The following ANO5 variants were observed in gnomAD, a reference collection of about 807,000 sequenced individuals.
The protein encoded by ANO5 is anoctamin 5.
In ANO5, 109 loss-of-function variants were observed where a neutral mutation model predicts 121.0. The observed-to-expected ratio is 0.90, with a 90% CI of 0.77 to 1.06. The LOEUF (loss-of-function observed/expected upper bound fraction) is 1.06, where lower values mean the gene tolerates loss of function less well. Among genes scored for constraint, ANO5 ranks in the 50% least tolerant of loss-of-function variants. The pLI is 0.00. For missense variants in ANO5, 1,064 were observed against 1,078.5 expected (o/e 0.99, Z 0.19); for synonymous variants, 406 against 359.9 (o/e 1.13, Z -1.45).
intron 5 of ANO5, among the ~76,000 whole-genome samples, chr11:22,224,703 A>C (rs1852766867): frequency 6.6e-6 from 1 of 152,112 alleles, no homozygotes; most frequent in Admixed American, 6.6e-5. Context: ...TTAAAGGAAA[A>C]ATAGACCACT....
chr11:22,221,596 T>C (rs1045952187), intron 5 of ANO5, among the ~76,000 whole-genome samples: 4 of 151,988 alleles, frequency 2.6e-5, no homozygotes, highest in African/African-American at 9.7e-5. Flanking sequence ...TATTGTACTC[T>C]ATTCCTGATT....
Position 22,222,483 on chromosome 11 carries a change from A to G in ANO5, c.294+1273A>G, listed in dbSNP as rs7952092. Reference sequence around the variant, plus strand: ...GCAACTCTTTATAATTTCGTTTTACATGTACAACTGTCTGATTATACCTCA... The same window carrying G: ...GCAACTCTTTATAATTTCGTTTTACGTGTACAACTGTCTGATTATACCTCA... On this transcript the variant is annotated intron_variant, in intron 5 of 21. Coordinates refer to ENST00000324559, the MANE Select transcript of ANO5 (RefSeq NM_213599.3). 3.3e-5 allele frequency among the ~76,000 whole-genome samples: 5 copies of G among 151,812 alleles called. No homozygotes were observed. The South Asian group carries it at 6.2e-4, about 19-fold the overall frequency.
At chr11:22,230,684 T>A (rs1451827046) in intron 7 of ANO5, among the ~76,000 whole-genome samples, 1 of 151,946 alleles carries the variant, frequency 6.6e-6, no homozygotes, top group Non-Finnish European at 1.5e-5. Context: ...TGACTATCAG[T>A]ACCAAAAAGC....
chr11:22,218,256 G>A lies in ANO5; in HGVS notation c.149G>A (p.Arg50Gln), dbSNP rs370084681. ...TTGGTTGCTTCACAGCCTGCAAAGC[G>A]ATTCAATTTGTTCCTGAGGCGGCGG... ...LINEETMPAK[R>Q]FNLFLRRRLM... Residue 50 changes from arginine to glutamine, a missense_variant, in exon 4 of 22, where the codon CGA becomes CAA. Transcript: ENST00000324559. The A allele has an allele frequency of 3.7e-5, 59 of 1,613,338 alleles. No individual in the cohort carries two copies. In the African/African-American group the frequency reaches 5.6e-4, roughly 15 times the overall value.
chr11:22,239,799 G>A (rs1853365269), intron 9 of ANO5, 115 bp downstream of exon 9: 1 of 779,274 alleles, frequency 1.3e-6, no homozygotes, highest in East Asian at 2.8e-5. Context: ...ACAACTTCTT[G>A]ATTTCATATC....
chr11:22,279,003 G>C (rs929883836), intron 21 of ANO5, among the ~76,000 whole-genome samples: 1 of 151,694 alleles, frequency 6.6e-6, no homozygotes, highest in Non-Finnish European at 1.5e-5. Flanking sequence ...GTATAGCATG[G>C]AGTGAAAGAA....
At chr11:22,259,861 C>T in intron 15 of ANO5, 120 bp downstream of exon 15, 1 of 1,015,746 alleles carries the variant, frequency 9.8e-7, no homozygotes, top group Non-Finnish European at 1.5e-6. Flanking sequence ...GGCAGTTTTT[C>T]TCTATAAATA....
At chr11:22,229,836 T>C (rs1852980083) in intron 7 of ANO5, among the ~76,000 whole-genome samples, 1 of 152,004 alleles carries the variant, frequency 6.6e-6, no homozygotes, top group Non-Finnish European at 1.5e-5. Flanking sequence ...TCTTGCTTTA[T>C]TGAGGAAGAT....
At position 22,193,137 on chromosome 11, in the gene ANO5, C is replaced by G. The variant is rs1851698381; in HGVS notation, c.-356C>G. 9.0e-7 allele frequency: 1 copy of G among 1,107,608 alleles called. No individual in the cohort carries two copies. Among genetic ancestry groups the G allele is most frequent in the Non-Finnish European group, 1.1e-6 (1 of 902,454 alleles). The allele number at this position is 1,107,608 out of a possible 1,614,324, so 68.6% of individuals were successfully genotyped here. A position where few individuals can be genotyped will look rare whatever the true frequency, so the allele number is the denominator to read the frequency against. The stretch of plus-strand genomic sequence containing the variant: ...GAGTGGCGGCTGCGGGATCAGCTGC[C>G]GAGCAGGCACAGGGACAGGTGCCTG... On this transcript the variant is annotated 5_prime_UTR_variant, in exon 1 of 22. Coordinates refer to ENST00000324559, the MANE Select transcript of ANO5 (RefSeq NM_213599.3).
intron 9 of ANO5, among the ~76,000 whole-genome samples, chr11:22,247,638 A>C (rs1176364761): frequency 6.6e-6 from 1 of 152,184 alleles, no homozygotes; most frequent in Non-Finnish European, 1.5e-5. Context: ...TAGGAATCTG[A>C]GTTCCTAGAT....
chr11:22,232,287 A>T (rs1853068321), intron 7 of ANO5, among the ~76,000 whole-genome samples: 1 of 151,702 alleles, frequency 6.6e-6, no homozygotes, highest in South Asian at 2.1e-4. Flanking sequence ...AATGAGATTG[A>T]TCTCCTTGTA....
chr11:22,246,295 G>C (rs1198970963), intron 9 of ANO5, among the ~76,000 whole-genome samples: 1 of 152,036 alleles, frequency 6.6e-6, no homozygotes, highest in African/African-American at 2.4e-5. Flanking sequence ...GGTTATTTTA[G>C]CTGTGTTTCT....
chr11:22,262,041 G>A, intron 15 of ANO5, 88 bp from the exon 16 acceptor site: 1 of 1,281,680 alleles, frequency 7.8e-7, no homozygotes, highest in Non-Finnish European at 1.1e-6. Flanking sequence ...CCAGAATGAT[G>A]TGACTAGATG....
chr11:22,199,685 G>T (rs1851908008), intron 1 of ANO5, among the ~76,000 whole-genome samples: 2 of 151,900 alleles, frequency 1.3e-5, no homozygotes, highest in Non-Finnish European at 2.9e-5. Context: ...AAATCTCTTT[G>T]ATCTCTGGCC....
chr11:22,262,384 C>T, intron 16 of ANO5, 86 bp downstream of exon 16: 1 of 1,439,910 alleles, frequency 6.9e-7, no homozygotes. Flanking sequence ...GATTCACATG[C>T]TAAAAAATTA....
rs775958437 is a variant in ANO5, at chr11:22,279,735, C to T, written c.2712C>T (p.Asn904=). 1 of 1,612,516 alleles carries T rather than the reference C, an allele frequency of 6.2e-7. No homozygotes were observed. Among genetic ancestry groups the T allele is most frequent in the East Asian group, 2.2e-5 (1 of 44,836 alleles). The change falls in exon 22 of 22, where the codon AAC becomes AAT. Residue 904 remains asparagine, a synonymous_variant. Transcript: ENST00000324559. ...EFAKHVMIEE[N]KAQLAKSTL is the part of the protein sequence containing the mutation. ...CCAAGCATGTCATGATTGAGGAAAA[C>T]AAAGCACAGCTGGCTAAATCAACAC...
chr11:22,272,674 C>T (rs1854665579), intron 18 of ANO5, 110 bp from the exon 19 acceptor site: 6 of 981,110 alleles, frequency 6.1e-6, no homozygotes, highest in South Asian at 5.5e-5. Context: ...CCTGGATTGT[C>T]GTATTCGTGT....
intron 2 of ANO5, among the ~76,000 whole-genome samples, chr11:22,207,105 C>G (rs1000132462): frequency 6.6e-6 from 1 of 151,782 alleles, no homozygotes; most frequent in African/African-American, 2.4e-5. Context: ...AGTTATATTT[C>G]TATATACTGG....
chr11:22,255,081 T>C (rs1853949308), intron 12 of ANO5, among the ~76,000 whole-genome samples: 1 of 152,150 alleles, frequency 6.6e-6, no homozygotes, highest in Non-Finnish European at 1.5e-5. Context: ...AGTTCAAATA[T>C]TACTTCAAAT....
Sources: allele counts gnomAD v4.1 joint callset (sites outside exome capture counted in the v4.1 genomes callset), GRCh38; gene constraint gnomAD v4.1.1; transcripts MANE v1.5; gene names NCBI Gene and HGNC (gene_info 2026-07-23, HGNC 2026-07-21).